The following B3GAT1 variants were observed in gnomAD, a reference collection of about 807,000 sequenced individuals.
B3GAT1 encodes beta-1,3-glucuronyltransferase 1.
In B3GAT1, 11 loss-of-function variants were observed where a neutral mutation model predicts 28.4. That is an observed-to-expected ratio of 0.39 (90% CI 0.24 to 0.64). The LOEUF is 0.64. Among genes scored for constraint, B3GAT1 ranks in the 30% least tolerant of loss-of-function variants. The pLI is 0.50. For synonymous variants in B3GAT1, 255 were observed against 223.1 expected, an observed-to-expected ratio of 1.14 and a Z score of -1.27; for missense variants, 375 against 491.0, an observed-to-expected ratio of 0.76 and a Z score of 2.23.
At chr11:134,390,661 A>G (rs938808205) in intron 1 of B3GAT1, 1 of 152,294 alleles carries the variant, frequency 6.6e-6, no homozygotes, top group African/African-American at 2.4e-5. Context: ...TGCTCCTGCA[A>G]CGTCACAGCA....
intron 1 of B3GAT1, among the ~76,000 whole-genome samples, chr11:134,410,627 T>C (rs28402124): frequency 0.2 from 29,801 of 152,034 alleles, 3,629 homozygotes; most frequent in African/African-American, 0.34. Context: ...TGGGAGGAAA[T>C]GTCTCAGTCT....
chr11:134,405,199 C>G (rs569335667), intron 1 of B3GAT1, among the ~76,000 whole-genome samples: 1 of 152,214 alleles, frequency 6.6e-6, no homozygotes, highest in East Asian at 1.9e-4. Flanking sequence ...CACCGGCACT[C>G]CTTGGGGGTC....
chr11:134,384,124 A>T lies in B3GAT1; in HGVS notation c.177T>A (p.Ser59=). ...GCACCACCTCCACGATGTCGCGGTC[A>T]GACGTGCAGTACTCCCTGGGGTCGG... ...PGADPREYCT[S]DRDIVEVVRT... The change falls in exon 3 of 6, where the codon TCT becomes TCA. Residue 59 remains serine, a synonymous_variant. Coordinates refer to ENST00000312527, the MANE Select transcript of B3GAT1 (RefSeq NM_054025.3). 6.3e-7 allele frequency: 1 copy of T among 1,584,872 alleles called. No individual in the cohort carries two copies. Among genetic ancestry groups the T allele is most frequent in the Non-Finnish European group, 8.6e-7 (1 of 1,165,686 alleles).
At chr11:134,396,805 C>A (rs1279303406) in intron 1 of B3GAT1, among the ~76,000 whole-genome samples, 1 of 152,158 alleles carries the variant, frequency 6.6e-6, no homozygotes, top group Non-Finnish European at 1.5e-5. Context: ...AGCCACGGAC[C>A]TGAAAGCCCC....
chr11:134,405,303 G>A (rs1431355338), intron 1 of B3GAT1, among the ~76,000 whole-genome samples: 1 of 152,186 alleles, frequency 6.6e-6, no homozygotes, highest in Non-Finnish European at 1.5e-5. Flanking sequence ...CGGGGACCCA[G>A]AGGGCTTCAG....
At chr11:134,404,848 A>G (rs1944698016) in intron 1 of B3GAT1, among the ~76,000 whole-genome samples, 1 of 152,232 alleles carries the variant, frequency 6.6e-6, no homozygotes, top group Non-Finnish European at 1.5e-5. Context: ...TACTTCAGCT[A>G]CCACGCAGAA....
chr11:134,411,945 CG>C lies in B3GAT1; in HGVS notation c.-421del. On this transcript the variant is annotated 5_prime_UTR_variant, in exon 1 of 6. An upstream open reading frame in the 5' UTR loses its in-frame stop. Coordinates refer to ENST00000312527, the MANE Select transcript of B3GAT1 (RefSeq NM_054025.3). The surrounding 1 kb of genome is among the most constrained non-coding windows in gnomAD (Gnocchi z 6.0). ...CGGGGACTGTCGGGCTCCGGGCCCC[CG>C]GGGGCCACTTCATAGCCGCGGGGTC... 1 of 149,876 alleles carries C rather than the reference CG, an allele frequency of 6.7e-6. No homozygotes were observed. The highest frequency in any genetic ancestry group is 2.0e-4 in the South Asian group (1 of 5,098). 9.3% of individuals were successfully genotyped at this position (149,876 alleles called of 1,614,324 possible).
At chr11:134,403,234 C>T (rs1289031646) in intron 1 of B3GAT1, among the ~76,000 whole-genome samples, 4 of 152,014 alleles carry the variant, frequency 2.6e-5, no homozygotes, top group African/African-American at 4.8e-5. Context: ...GCTCCCATCC[C>T]CAGGTAGACT....
chr11:134,385,915 T>C (rs1944269782), intron 2 of B3GAT1: 1 of 152,258 alleles, frequency 6.6e-6, no homozygotes, highest in African/African-American at 2.4e-5. Context: ...GGCAGCACCA[T>C]CAGTGCTTAG....
intron 1 of B3GAT1, among the ~76,000 whole-genome samples, chr11:134,405,350 A>C (rs896937326): frequency 1.3e-5 from 2 of 152,160 alleles, no homozygotes; most frequent in Admixed American, 1.3e-4. Context: ...CCCCAAACCC[A>C]GGTCTGAAGC....
In B3GAT1 at chr11:134,383,892, T is replaced by C; in HGVS notation, c.409A>G (p.Thr137Ala). ...TGCAGGTGCGTGTAGTTGAGGCCGG[T>C]GTCGCGCAGCAGGCGCGCGGTCAGC... Reference protein sequence around the residue: ...TPLTARLLRDTGLNYTHLHVE... With the variant: ...TPLTARLLRDAGLNYTHLHVE... The change falls in exon 3 of 6, where the codon ACC (threonine) becomes GCC (alanine). Residue 137 changes from threonine to alanine, a missense_variant. Physicochemically the swap from Thr to Ala is moderately conservative, Grantham distance 58. Coordinates refer to ENST00000312527, the MANE Select transcript of B3GAT1 (RefSeq NM_054025.3). 6.3e-7 allele frequency: 1 copy of C among 1,595,948 alleles called. No homozygotes were observed. Among genetic ancestry groups the C allele is most frequent in the East Asian group, 2.3e-5 (1 of 44,374 alleles).
At chr11:134,401,691 G>C (rs1944616609) in intron 1 of B3GAT1, among the ~76,000 whole-genome samples, 1 of 151,952 alleles carries the variant, frequency 6.6e-6, no homozygotes, top group South Asian at 2.1e-4. Flanking sequence ...AATATACCCG[G>C]GTAACAAACC....
At chr11:134,392,676 A>G (rs532590298) in intron 1 of B3GAT1, among the ~76,000 whole-genome samples, 2 of 152,086 alleles carry the variant, frequency 1.3e-5, no homozygotes, top group South Asian at 4.2e-4. Flanking sequence ...TCCAGAGAGG[A>G]ATTTGTCTAT....
chr11:134,397,978 G>GC (rs1944536952), intron 1 of B3GAT1, among the ~76,000 whole-genome samples: 1 of 152,116 alleles, frequency 6.6e-6, no homozygotes, highest in South Asian at 2.1e-4. Flanking sequence ...TCTGACCACA[G>GC]CGACTCAGGT....
At chr11:134,395,841 C>T (rs921585301) in intron 1 of B3GAT1, among the ~76,000 whole-genome samples, 8 of 152,176 alleles carry the variant, frequency 5.3e-5, no homozygotes, top group Admixed American at 5.2e-4. Context: ...CTCTTCAGTT[C>T]CTAAGGGTCA....
chr11:134,404,330 A>C (rs1944687685), intron 1 of B3GAT1, among the ~76,000 whole-genome samples: 1 of 151,964 alleles, frequency 6.6e-6, no homozygotes, highest in East Asian at 1.9e-4. Flanking sequence ...ATGGGTACAG[A>C]GTTTCCAATG....
At chr11:134,383,620 G>T in intron 3 of B3GAT1, 60 bp downstream of exon 3, 1 of 1,452,914 alleles carries the variant, frequency 6.9e-7, no homozygotes, top group South Asian at 1.4e-5. Flanking sequence ...CCCTTCTCGG[G>T]AAGCCCCTCC....
chr11:134,385,432 G>A (rs891967771), intron 2 of B3GAT1: 2 of 152,424 alleles, frequency 1.3e-5, no homozygotes, highest in Non-Finnish European at 2.9e-5. Context: ...ATGGGCAAAT[G>A]GCACCAGGCA....
intron 1 of B3GAT1, among the ~76,000 whole-genome samples, chr11:134,405,676 G>T (rs1480264269): frequency 6.6e-6 from 1 of 152,216 alleles, no homozygotes; most frequent in African/African-American, 2.4e-5. Flanking sequence ...CAATCTGCCC[G>T]GGAGGGCACT....
Sources: allele counts gnomAD v4.1 joint callset (sites outside exome capture counted in the v4.1 genomes callset), GRCh38; gene constraint gnomAD v4.1.1; non-coding constraint Gnocchi (gnomAD v3.1); transcripts MANE v1.5; gene names NCBI Gene and HGNC (gene_info 2026-07-23, HGNC 2026-07-21).